MX2: variants seen among roughly 807,000 people sequenced by gnomAD.
MX2 encodes MX dynamin like GTPase 2.
MX2 carries 51 observed loss-of-function variants against 74.0 expected under a neutral mutation model. The ratio of observed to expected loss-of-function variants is 0.69; its 90% CI spans 0.55 to 0.87. The LOEUF (loss-of-function observed/expected upper bound fraction) is 0.87. Ranked by LOEUF, MX2 falls within the 40% of genes least tolerant of loss-of-function variation. The probability of loss-of-function intolerance (pLI) is 0.00; values close to 1 mark genes in which losing one functional copy is unlikely to be tolerated. For missense variants in MX2, 832 were observed against 908.7 expected, an observed-to-expected ratio of 0.92 and a Z score of 1.09; for synonymous variants, 369 against 339.3, an observed-to-expected ratio of 1.09 and a Z score of -0.96.
In MX2 at chr21:41,377,950, A is replaced by G. The variant is rs145600280; in HGVS notation, c.411A>G (p.Ala137=). 6.2e-7 allele frequency: 1 copy of G among 1,614,072 alleles called. No individual in the cohort carries two copies. Among genetic ancestry groups the G allele is most frequent in the South Asian group, 1.1e-5 (1 of 91,084 alleles). The part of the protein sequence containing the change: ...QSSGKSSVLE[A]LSGVALPRGS... ...CGGGCAAGAGCTCTGTGCTGGAGGC[A>G]CTGTCAGGAGTCGCGCTTCCCAGAG... The change falls in exon 3 of 14, where the codon GCA becomes GCG. Residue 137 remains alanine (A), a synonymous_variant. Coordinates refer to ENST00000330714, the MANE Select transcript of MX2 (RefSeq NM_002463.2).
At position 41,403,280 on chromosome 21, in the gene MX2, A is replaced by T; in HGVS notation, c.1587A>T (p.Gln529His). 2 of 1,613,294 alleles carry T rather than the reference A, an allele frequency of 1.2e-6. No individual in the cohort carries two copies. Among genetic ancestry groups the T allele is most frequent in the Non-Finnish European group, 1.7e-6 (2 of 1,179,474 alleles). The change falls in exon 12 of 14, where the codon CAA becomes CAT. Residue 529 changes from glutamine to histidine, a missense_variant. Gln to His is a conservative substitution (Grantham distance 24, BLOSUM62 0). Coordinates refer to ENST00000330714, the MANE Select transcript of MX2 (RefSeq NM_002463.2). ...MLQKAMEIIQ[Q>H]AFINVAKKHF... Reference sequence around the variant, plus strand: ...TTTTTTGGTCAGAAATTATCCAGCAAGCTTTCATTAACGTGGCCAAAAAAC... The same window carrying T: ...TTTTTTGGTCAGAAATTATCCAGCATGCTTTCATTAACGTGGCCAAAAAAC...
chr21:41,393,975 G>C (rs1018763181), intron 6 of MX2, among the ~76,000 whole-genome samples: 1 of 152,060 alleles, frequency 6.6e-6, no homozygotes, highest in Non-Finnish European at 1.5e-5. Flanking sequence ...TGAAGTCCTG[G>C]TGACTCTGCC....
chr21:41,377,757 C>T (rs753916626), intron 2 of MX2, 32 bp from the exon 3 acceptor site: 1 of 1,581,128 alleles, frequency 6.3e-7, no homozygotes, highest in Non-Finnish European at 8.6e-7. Flanking sequence ...TATCAGGGGT[C>T]AAGGCAGTGG....
intron 4 of MX2, among the ~76,000 whole-genome samples, chr21:41,381,243 G>A (rs1706329188): frequency 6.6e-6 from 1 of 152,180 alleles, no homozygotes; most frequent in South Asian, 2.1e-4. Flanking sequence ...CACAGCTACT[G>A]TGGTGCTCCC....
At chr21:41,391,301 G>A (rs561880898) in intron 6 of MX2, among the ~76,000 whole-genome samples, 1 of 151,806 alleles carries the variant, frequency 6.6e-6, no homozygotes, top group African/African-American at 2.4e-5. Flanking sequence ...CATCTCCAAG[G>A]AAACTTAGTA....
At chr21:41,370,858 A>G (rs1167237403) in intron 1 of MX2, among the ~76,000 whole-genome samples, 1 of 152,208 alleles carries the variant, frequency 6.6e-6, no homozygotes, top group Non-Finnish European at 1.5e-5. Flanking sequence ...ATGTGTTGGA[A>G]TTATGTGTTG....
intron 12 of MX2, 136 bp from the exon 13 acceptor site, chr21:41,406,608 C>A: frequency 3.2e-6 from 3 of 939,420 alleles, no homozygotes; most frequent in Admixed American, 2.9e-5. Flanking sequence ...TAAAAATCAT[C>A]ATTTCAAGTC....
chr21:41,393,110 C>CAAAAAAAAAAAAAAAAAAAAA (rs373955778), intron 6 of MX2, among the ~76,000 whole-genome samples: 17 of 60,084 alleles, frequency 2.8e-4, no homozygotes, highest in East Asian at 1.0e-3. Context: ...CTCAAAAAAG[C>CAAAAAAAAAAAAAAAAAAAAA]AAAAAAAAAA....
chr21:41,408,288 A>T lies in MX2; in HGVS notation c.*55A>T. 6.3e-7 allele frequency: 1 copy of T among 1,593,250 alleles called. No individual in the cohort carries two copies. The highest frequency in any genetic ancestry group is 8.6e-7 in the Non-Finnish European group (1 of 1,169,430). ...GTGCGTACTCATTCATTCTAAGGGG[A>T]GTCGGTGCAGGATGCCGCTTCTGCT... On this transcript the variant is annotated 3_prime_UTR_variant, in exon 14 of 14. Coordinates refer to ENST00000330714, the MANE Select transcript of MX2 (RefSeq NM_002463.2).
At chr21:41,378,108 T>C in intron 3 of MX2, 127 bp downstream of exon 3, 1 of 1,213,458 alleles carries the variant, frequency 8.2e-7, no homozygotes, top group Non-Finnish European at 1.1e-6. Context: ...GACAGGACGC[T>C]GGGAGAGAGG....
chr21:41,399,800 T>G (rs2089787634), intron 10 of MX2: 1 of 155,918 alleles, frequency 6.4e-6, no homozygotes, highest in African/African-American at 2.4e-5. Flanking sequence ...ACTCCTAGGC[T>G]AAAGCAATCC....
At chr21:41,384,632 C>G (rs2089544617) in intron 5 of MX2, among the ~76,000 whole-genome samples, 1 of 152,036 alleles carries the variant, frequency 6.6e-6, no homozygotes, top group Admixed American at 6.5e-5. Flanking sequence ...GCTCAGTTAC[C>G]AAGCCTTGAC....
At position 41,400,622 on chromosome 21, in the gene MX2, A is replaced by C. The variant is rs1314061933; in HGVS notation, c.1414+1285A>C. On this transcript the variant is annotated intron_variant, in intron 10 of 13. Coordinates refer to ENST00000330714, the MANE Select transcript of MX2 (RefSeq NM_002463.2). ...CTAGGGAGACCTCAGAAAACTTAAC[A>C]ATCATAGCAGAAAGCAAAGGAGAAG... Among the ~76,000 whole-genome samples, 5 of 152,060 alleles carry C rather than the reference A, an allele frequency of 3.3e-5. No homozygotes were observed. In the East Asian group the frequency reaches 7.7e-4, roughly 23 times the overall value.
chr21:41,378,027 T>G (rs1215877828), intron 3 of MX2, 46 bp downstream of exon 3: 3 of 1,579,806 alleles, frequency 1.9e-6, no homozygotes, highest in Non-Finnish European at 2.6e-6. Flanking sequence ...CAGCGCCACC[T>G]GTAAGCCACA....
rs56903696 is a variant in MX2 at position 41,362,750 on chromosome 21, C to CTTT, written c.-72+719_-72+721dup. ...GGTATTGATGACGCAGTTTTTTTTT[C>CTTT]TTTTTTTTTTTTTTTTTTTTTTTTT... On this transcript the variant is annotated intron_variant, in intron 1 of 13. Transcript: ENST00000330714. 5.6e-3 allele frequency among the ~76,000 whole-genome samples: 457 copies of CTTT among 82,134 alleles called. 36 individuals are homozygous for CTTT. The highest frequency in any genetic ancestry group is 6.1e-3 in the African/African-American group (123 of 20,270). The allele number at this position is 82,134 out of a possible 152,430, so 53.9% of individuals were successfully genotyped here. A position where few individuals can be genotyped will look rare whatever the true frequency, so the allele number is the denominator to read the frequency against.
At chr21:41,384,799 A>G (rs1365405108) in intron 5 of MX2, among the ~76,000 whole-genome samples, 1 of 151,470 alleles carries the variant, frequency 6.6e-6, no homozygotes, top group Non-Finnish European at 1.5e-5. Flanking sequence ...AGATCGTGCC[A>G]CTGGACTCCA....
chr21:41,382,692 T>C (rs2089513464), intron 5 of MX2, 128 bp downstream of exon 5: 10 of 1,253,996 alleles, frequency 8.0e-6, no homozygotes, highest in Non-Finnish European at 1.1e-5. Context: ...AGGTAAGACC[T>C]GCCCAGGTGG....
chr21:41,401,767 A>G (rs1263485276), intron 10 of MX2: 2 of 517,678 alleles, frequency 3.9e-6, no homozygotes, highest in Non-Finnish European at 6.7e-6. Flanking sequence ...TTTTCATAGA[A>G]TAAGATTTTT....
chr21:41,407,121 C>G lies in MX2; in HGVS notation c.1905+123C>G, dbSNP rs2089897256. ...AGGGACCACTACAATGTATTAAGCC[C>G]TTCTGTATTATGATAAACTACTTAT... On this transcript the variant is annotated intron_variant, in intron 13 of 13. Coordinates refer to ENST00000330714, the MANE Select transcript of MX2 (RefSeq NM_002463.2). 3.1e-6 allele frequency: 3 copies of G among 979,618 alleles called. No homozygotes were observed. The South Asian group carries it at 5.5e-5, about 18-fold the overall frequency. 60.7% of individuals were successfully genotyped at this position (979,618 alleles called of 1,614,324 possible).
Sources: gnomAD v4.1 joint callset for allele counts (sites outside exome capture counted in the v4.1 genomes callset) on GRCh38, gnomAD v4.1.1 for gene constraint, MANE v1.5 for transcripts, NCBI Gene and HGNC (gene_info 2026-07-23, HGNC 2026-07-21) for gene names.